The following DCC variants were observed in gnomAD, a reference collection of about 807,000 sequenced individuals.
The protein encoded by DCC is DCC netrin 1 receptor.
DCC carries 58 observed loss-of-function variants against 172.5 expected under a neutral mutation model. That is an observed-to-expected ratio of 0.34 (90% CI 0.27 to 0.42). The LOEUF (loss-of-function observed/expected upper bound fraction) is 0.42. Ranked by LOEUF, DCC falls within the 10% of genes least tolerant of loss-of-function variation. DCC has a pLI of 1.00. For missense variants in DCC, 1,740 were observed against 1,791.0 expected, an observed-to-expected ratio of 0.97 and a Z score of 0.51; for synonymous variants, 709 against 644.5, an observed-to-expected ratio of 1.10 and a Z score of -1.52.
At chr18:53,064,820 C>T (rs1489578979) in intron 6 of DCC, among the ~76,000 whole-genome samples, 2 of 152,102 alleles carry the variant, frequency 1.3e-5, no homozygotes, top group Non-Finnish European at 2.9e-5. Context: ...AAATGATCTG[C>T]CAATGGGCAC....
chr18:52,497,281 ATATAT>A (rs1416954591), intron 1 of DCC, among the ~76,000 whole-genome samples: 1 of 20,394 alleles, frequency 4.9e-5, no homozygotes, highest in Admixed American at 6.5e-4. Context: ...AAAAAAAAAA[ATATAT>A]ATATATATAT....
intron 7 of DCC, among the ~76,000 whole-genome samples, chr18:53,141,805 G>A (rs766595904): frequency 5.3e-5 from 8 of 151,906 alleles, no homozygotes; most frequent in African/African-American, 9.7e-5. Flanking sequence ...CTTCCCACCC[G>A]CAATTTTGAA....
intron 12 of DCC, among the ~76,000 whole-genome samples, chr18:53,224,953 A>G (rs1480037567): frequency 3.3e-5 from 5 of 152,190 alleles, no homozygotes; most frequent in African/African-American, 1.2e-4. Context: ...GATAACACTT[A>G]GGGAGAGACT....
chr18:53,063,859 G>A (rs1459611825), intron 6 of DCC, among the ~76,000 whole-genome samples: 1 of 152,066 alleles, frequency 6.6e-6, no homozygotes, highest in Non-Finnish European at 1.5e-5. Flanking sequence ...TATAAGATAT[G>A]ATACTTATGA....
At chr18:53,398,916 T>A (rs150707090) in intron 18 of DCC, among the ~76,000 whole-genome samples, 81 of 152,262 alleles carry the variant, frequency 5.3e-4, no homozygotes, top group African/African-American at 1.9e-3. Flanking sequence ...TGTCTGCAGG[T>A]TTATAACTGT....
At chr18:53,416,227 T>C (rs752801542) in intron 21 of DCC, 71 bp downstream of exon 21, 5 of 1,063,156 alleles carry the variant, frequency 4.7e-6, no homozygotes, top group African/African-American at 1.6e-5. Context: ...CAGTCATTAC[T>C]TTATATTCCT....
chr18:52,554,751 TTAAAG>T (rs2032866663), intron 1 of DCC, among the ~76,000 whole-genome samples: 1 of 152,094 alleles, frequency 6.6e-6, no homozygotes, highest in Non-Finnish European at 1.5e-5. Flanking sequence ...TACAGACCAA[TTAAAG>T]TAAATTCACA....
chr18:52,598,950 G>A (rs9960698), intron 1 of DCC, among the ~76,000 whole-genome samples: 4 of 152,236 alleles, frequency 2.6e-5, no homozygotes, highest in South Asian at 2.1e-4. Context: ...CCTCTATCAA[G>A]CTCTTTTATA....
chr18:52,840,216 GC>G (rs2038780760), intron 2 of DCC, among the ~76,000 whole-genome samples: 1 of 152,142 alleles, frequency 6.6e-6, no homozygotes, highest in Non-Finnish European at 1.5e-5. Context: ...TTCCCCAGAA[GC>G]TTTCTTGCAT....
chr18:53,217,691 T>A (rs533834325), intron 12 of DCC, among the ~76,000 whole-genome samples: 1 of 152,266 alleles, frequency 6.6e-6, no homozygotes, highest in African/African-American at 2.4e-5. Context: ...TTGATATTTG[T>A]GTTTTATTTG....
At chr18:53,128,651 A>G (rs894330063) in intron 7 of DCC, among the ~76,000 whole-genome samples, 2 of 151,862 alleles carry the variant, frequency 1.3e-5, no homozygotes, top group African/African-American at 2.4e-5. Flanking sequence ...AGAAATTATT[A>G]AGCATATTTT....
intron 27 of DCC, among the ~76,000 whole-genome samples, chr18:53,502,554 T>C (rs1440147275): frequency 8.8e-3 from 1,339 of 152,294 alleles, no homozygotes; most frequent in African/African-American, 0.031. Flanking sequence ...CAAGTTTTGA[T>C]TCTAAGAAAA....
At chr18:53,078,034 T>C (rs2042746198) in intron 7 of DCC, among the ~76,000 whole-genome samples, 1 of 152,136 alleles carries the variant, frequency 6.6e-6, no homozygotes, top group African/African-American at 2.4e-5. Context: ...AAGAGTAAAT[T>C]CGATATAACT....
At chr18:52,991,531 T>C (rs1210810433) in intron 5 of DCC, among the ~76,000 whole-genome samples, 4 of 152,192 alleles carry the variant, frequency 2.6e-5, no homozygotes, top group African/African-American at 9.6e-5. Flanking sequence ...GCTCTTAGGC[T>C]GAACTTCTGC....
intron 25 of DCC, 135 bp from the exon 26 acceptor site, chr18:53,486,662 G>A: frequency 8.8e-7 from 1 of 1,138,626 alleles, no homozygotes; most frequent in South Asian, 1.3e-5. Context: ...GTGGAGAGAG[G>A]TAAGTAAGGG....
chr18:53,101,819 G>T (rs943047814), intron 7 of DCC, among the ~76,000 whole-genome samples: 32 of 113,092 alleles, frequency 2.8e-4, no homozygotes, highest in East Asian at 1.4e-3. Context: ...GTGTGTGTGT[G>T]TGTGTGTATT....
chr18:52,792,538 G>A lies in DCC; in HGVS notation c.412+40164G>A, dbSNP rs191802530. ...TCTTCCAGCCCCATACAATGGCTAC[G>A]TCTTCCATGAAAGGAGGCTGGTTCA... On this transcript the variant is annotated intron_variant, in intron 2 of 28. Transcript: ENST00000442544. Among the ~76,000 whole-genome samples the A allele has an allele frequency of 2.3e-3, 347 of 152,238 alleles. 3 individuals carry two copies. The highest frequency in any genetic ancestry group is 7.4e-4 in the Non-Finnish European group (50 of 68,016).
intron 7 of DCC, among the ~76,000 whole-genome samples, chr18:53,075,735 A>G (rs2042717363): frequency 6.6e-6 from 1 of 152,212 alleles, no homozygotes; most frequent in Admixed American, 6.6e-5. Context: ...TAGTATGTAG[A>G]TGCTGTGCTT....
At chr18:52,610,084 C>A (rs755190696) in intron 1 of DCC, among the ~76,000 whole-genome samples, 1 of 137,198 alleles carries the variant, frequency 7.3e-6, no homozygotes, top group Non-Finnish European at 1.5e-5. Flanking sequence ...GATGCTGAGG[C>A]GGGTGGATCG....
Sources: allele counts gnomAD v4.1 joint callset (sites outside exome capture counted in the v4.1 genomes callset), GRCh38; gene constraint gnomAD v4.1.1; transcripts MANE v1.5; gene names NCBI Gene and HGNC (gene_info 2026-07-23, HGNC 2026-07-21).